Variants in LETM1 observed in about 807,000 individuals in gnomAD.
The protein encoded by LETM1 is mitochondrial proton/calcium exchanger protein.
LETM1 carries 50 observed loss-of-function variants against 74.5 expected under a neutral mutation model. That is an observed-to-expected ratio of 0.67 (90% CI 0.53 to 0.85). LETM1 has a LOEUF of 0.85. LETM1 is among the 40% of genes least tolerant of loss of function. The pLI, the probability that LETM1 is intolerant of heterozygous loss-of-function variation, is 0.00. For missense variants in LETM1, 824 were observed against 967.8 expected, an observed-to-expected ratio of 0.85 and a Z score of 1.97; for synonymous variants, 446 against 407.1, an observed-to-expected ratio of 1.10 and a Z score of -1.15.
chr4:1,834,704 C>T lies in LETM1; in HGVS notation c.876+141G>A. ...CAGACTCCTGACACTCCACTGGCCC[C>T]CGACTGAGCCTCCTGGGTAAACTTT... On this transcript the variant is annotated intron_variant, in intron 5 of 13. Transcript: ENST00000302787. This position sits in a 1 kb window ranked among gnomAD's most constrained non-coding sequence, Gnocchi z 5.0. 1.3e-6 allele frequency: 2 copies of T among 1,496,572 alleles called. No homozygotes were observed. Among genetic ancestry groups the T allele is most frequent in the Non-Finnish European group, 1.8e-6 (2 of 1,126,198 alleles). The allele number at this position is 1,496,572 out of a possible 1,614,324, so 92.7% of individuals were successfully genotyped here.
In LETM1 at chr4:1,825,625, C is replaced by G. The variant is rs2108840447; in HGVS notation, c.1139G>C (p.Arg380Pro). 3.1e-6 allele frequency: 5 copies of G among 1,614,060 alleles called. No individual in the cohort carries two copies. The South Asian group carries it at 3.3e-5, about 11-fold the overall frequency. Residue 380 changes from arginine (R) to proline (P), a missense_variant, in exon 7 of 14, where the codon CGG becomes CCG. Coordinates refer to ENST00000302787, the MANE Select transcript of LETM1 (RefSeq NM_012318.3). ...GCCCAGGGCCCGCATGCCTCGTGCC[C>G]GACACGCTGCCTGCAGCTCCTTGAC... ...LNVKELQAACRARGMRALGVT... is the reference protein window; with the variant it reads ...LNVKELQAACPARGMRALGVT...
intron 8 of LETM1, 69 bp downstream of exon 8, chr4:1,823,574 TC>T (rs1362340141): frequency 3.8e-6 from 6 of 1,587,848 alleles, no homozygotes; most frequent in South Asian, 1.1e-5. Context: ...CTTGCACACC[TC>T]CCCCCACCCC....
chr4:1,811,805 T>G lies in LETM1; in HGVS notation c.*2619A>C, dbSNP rs1722478032. 1 of 152,322 alleles carries G rather than the reference T, an allele frequency of 6.6e-6. No homozygotes were observed. Among genetic ancestry groups the G allele is most frequent in the Non-Finnish European group, 1.5e-5 (1 of 68,060 alleles). The allele number at this position is 152,322 out of a possible 1,614,324, so 9.4% of individuals were successfully genotyped here. On this transcript the variant is annotated 3_prime_UTR_variant, in exon 14 of 14. Transcript: ENST00000302787. ...TGAATCCCTGCGTTAGAACTGAGAG[T>G]TCAGGCCGGGCGCGGTGGCTCATGC...
intron 7 of LETM1, among the ~76,000 whole-genome samples, chr4:1,824,694 G>A (rs1292035077): frequency 6.6e-6 from 1 of 152,212 alleles, no homozygotes; most frequent in Non-Finnish European, 1.5e-5. Flanking sequence ...TGGGGGCCGA[G>A]GGGCCTGGGC....
intron 6 of LETM1, among the ~76,000 whole-genome samples, chr4:1,832,528 C>T (rs189226630): frequency 1.4e-4 from 21 of 152,172 alleles, no homozygotes; most frequent in Non-Finnish European, 2.8e-4. Flanking sequence ...ATAAATCTGA[C>T]GAAATCCAAA....
At chr4:1,846,019 A>T (rs375322686) in intron 2 of LETM1, among the ~76,000 whole-genome samples, 4 of 145,234 alleles carry the variant, frequency 2.8e-5, no homozygotes, top group Non-Finnish European at 4.5e-5. Flanking sequence ...CATCACACCC[A>T]GTTATTTTTG....
rs867524955 is a variant in LETM1, at chr4:1,818,539, G to A, written c.1743+799C>T. On this transcript the variant is annotated intron_variant, in intron 11 of 13. Coordinates refer to ENST00000302787, the MANE Select transcript of LETM1 (RefSeq NM_012318.3). ...GAGGCAGAAGAATCATTTGAACCCA[G>A]GAGGCGGAAGTTGCAGTGAGTCGAG... Among the ~76,000 whole-genome samples the A allele has an allele frequency of 2.6e-5, 4 of 152,110 alleles. No homozygotes were observed. In the South Asian group the frequency reaches 8.3e-4, roughly 32 times the overall value.
chr4:1,848,354 C>A (rs1002297229), intron 2 of LETM1, among the ~76,000 whole-genome samples: 7 of 152,092 alleles, frequency 4.6e-5, no homozygotes, highest in African/African-American at 1.7e-4. Context: ...TGAGACCATC[C>A]TGGCTAACAC....
intron 1 of LETM1, among the ~76,000 whole-genome samples, chr4:1,854,566 G>T (rs993067368): frequency 6.6e-6 from 1 of 152,028 alleles, no homozygotes; most frequent in Non-Finnish European, 1.5e-5. Flanking sequence ...GGCCGAGGTG[G>T]GTGGATCACC....
In LETM1 at chr4:1,841,652, C is replaced by A; in HGVS notation, c.289G>T (p.Ala97Ser). 3.1e-6 allele frequency: 5 copies of A among 1,614,238 alleles called. No homozygotes were observed. Among genetic ancestry groups the A allele is most frequent in the Non-Finnish European group, 4.2e-6 (5 of 1,180,048 alleles). Reference sequence around the variant, plus strand: ...ACAGGAAGGCACTGAGGTCCCACAGCCACAAAACCCACAGAGGTAGAGGTC... The same window carrying A: ...ACAGGAAGGCACTGAGGTCCCACAGACACAAAACCCACAGAGGTAGAGGTC... ...PWTSTSVGFV[A>S]VGPQCLPVRG... The change falls in exon 3 of 14, where the codon GCT becomes TCT. Residue 97 changes from alanine to serine, a missense_variant. This residue lies in a region of LETM1 where 222 missense variants were observed against 195.6 expected (regional missense o/e 1.14). Coordinates refer to ENST00000302787, the MANE Select transcript of LETM1 (RefSeq NM_012318.3).
chr4:1,848,320 G>A (rs547051994), intron 2 of LETM1, among the ~76,000 whole-genome samples: 17 of 152,174 alleles, frequency 1.1e-4, no homozygotes, highest in Admixed American at 3.9e-4. Context: ...AGGCCATGGC[G>A]GGCGGATCAC....
intron 3 of LETM1, among the ~76,000 whole-genome samples, chr4:1,839,972 G>T (rs1227128139): frequency 6.6e-6 from 1 of 152,008 alleles, no homozygotes; most frequent in Non-Finnish European, 1.5e-5. Flanking sequence ...TAAGTTCTGT[G>T]AGCCGCTCCA....
At chr4:1,854,715 C>T (rs567128213) in intron 1 of LETM1, among the ~76,000 whole-genome samples, 1 of 152,182 alleles carries the variant, frequency 6.6e-6, no homozygotes, top group African/African-American at 2.4e-5. Flanking sequence ...ATCACTTGAA[C>T]CCAGGAGGTG....
intron 10 of LETM1, 127 bp downstream of exon 10, chr4:1,822,054 C>T: frequency 2.0e-6 from 2 of 993,752 alleles, no homozygotes; most frequent in Non-Finnish European, 1.4e-6. Context: ...CAACCCCTTG[C>T]ACCATCTCCT....
chr4:1,833,111 AC>A lies in LETM1; in HGVS notation c.877-165del, dbSNP rs1356693194. 1.8e-5 allele frequency: 11 copies of A among 625,844 alleles called. No homozygotes were observed. The Admixed American group carries it at 2.5e-4, about 14-fold the overall frequency. The allele number at this position is 625,844 out of a possible 1,614,324, so 38.8% of individuals were successfully genotyped here. A position where few individuals can be genotyped will look rare whatever the true frequency, so the allele number is the denominator to read the frequency against. Reference sequence around the variant, plus strand: ...GTTTGAGACAGGGTCTCGCTCTGTTACCCAGGCTGGAATGCAGTGGTGTAAT... The same window carrying A: ...GTTTGAGACAGGGTCTCGCTCTGTTACCAGGCTGGAATGCAGTGGTGTAAT... On this transcript the variant is annotated intron_variant, in intron 5 of 13. Transcript: ENST00000302787.
In LETM1 at chr4:1,841,353, G is replaced by A. The variant is rs1188778444; in HGVS notation, c.588C>T (p.Arg196=). Residue 196 remains arginine, a synonymous_variant, in exon 3 of 14, where the codon CGC becomes CGT. Coordinates refer to ENST00000302787, the MANE Select transcript of LETM1 (RefSeq NM_012318.3). The part of the protein sequence containing the change: ...LNGHSLTRRE[R]RQFLRICADL... ...CTAGACATGTCCCCATTACCTGCCT[G>A]CGCTCCCGGCGGGTCAGGCTGTGGC... 1 of 1,612,380 alleles carries A rather than the reference G, an allele frequency of 6.2e-7. No individual in the cohort carries two copies. Among genetic ancestry groups the A allele is most frequent in the Admixed American group, 1.7e-5 (1 of 59,998 alleles).
In LETM1 at chr4:1,836,573, C is replaced by A; in HGVS notation, c.595-1G>T. 2 of 1,613,600 alleles carry A rather than the reference C, an allele frequency of 1.2e-6. No homozygotes were observed. Among genetic ancestry groups the A allele is most frequent in the Non-Finnish European group, 1.7e-6 (2 of 1,179,950 alleles). ...AGAGGTCAGCGCAGATCCGGAGAAA[C>A]TGGAAGGGGCGGAATCCATCAGAGG... On this transcript the variant is annotated splice_acceptor_variant, in intron 3 of 13. Transcript: ENST00000302787. LOFTEE classifies it high-confidence loss of function. This position sits in a 1 kb window ranked among gnomAD's most constrained non-coding sequence, Gnocchi z 5.8.
At chr4:1,817,340 T>G (rs1449561724) in intron 11 of LETM1, among the ~76,000 whole-genome samples, 1 of 151,370 alleles carries the variant, frequency 6.6e-6, no homozygotes, top group East Asian at 1.9e-4. Context: ...GAGGATCACT[T>G]GAGGACAGGA....
rs768958502 is a variant in LETM1 at position 1,849,325 on chromosome 4, C to T, written c.83-116G>A. 11 of 713,862 alleles carry T rather than the reference C, an allele frequency of 1.5e-5. No individual in the cohort carries two copies. In the African/African-American group the frequency reaches 1.8e-4, roughly 11 times the overall value. 44.2% of individuals were successfully genotyped at this position (713,862 alleles called of 1,614,324 possible). A position where few individuals can be genotyped will look rare whatever the true frequency, so the allele number is the denominator to read the frequency against. ...TTGCGCCCAGGCTAGAGTGCAATGG[C>T]GTGATCTCGGCTCACTGCAACCTCC... On this transcript the variant is annotated intron_variant, in intron 1 of 13. Transcript: ENST00000302787.
Sources: allele counts gnomAD v4.1 joint callset (sites outside exome capture counted in the v4.1 genomes callset), GRCh38; gene constraint gnomAD v4.1.1; regional missense constraint gnomAD v4.1.1; non-coding constraint Gnocchi (gnomAD v3.1); transcripts MANE v1.5; gene names NCBI Gene and HGNC (gene_info 2026-07-23, HGNC 2026-07-21).